The following DOP1B variants were observed in gnomAD, a reference collection of about 807,000 sequenced individuals.
The protein encoded by DOP1B is protein DOP1B.
In DOP1B, 174 loss-of-function variants were observed where a neutral mutation model predicts 233.5. The observed-to-expected ratio is 0.75, with a 90% CI of 0.66 to 0.85. DOP1B has a LOEUF of 0.85. DOP1B is among the 40% of genes least tolerant of loss of function. The probability of loss-of-function intolerance (pLI) is 0.00; values close to 1 mark genes in which losing one functional copy is unlikely to be tolerated. For synonymous variants in DOP1B, 1,190 were observed against 1,185.6 expected (o/e 1.00, Z -0.08); for missense variants, 2,652 against 2,846.6 (o/e 0.93, Z 1.56).
At chr21:36,262,009 C>A in intron 24 of DOP1B, 1 of 975,112 alleles carries the variant, frequency 1.0e-6, no homozygotes. Context: ...GTAAATAACT[C>A]CAACAACCAG....
In DOP1B at chr21:36,246,513, C is replaced by T. The variant is rs143393435; in HGVS notation, c.4533C>T (p.Tyr1511=). 616 of 1,614,168 alleles carry T rather than the reference C, an allele frequency of 3.8e-4. 1 individual carries two copies. Among genetic ancestry groups the T allele is most frequent in the Admixed American group, 5.0e-4 (30 of 60,016 alleles). ...TGGTGAGGGGTCTGCAGCCCGCCTACGGTTACGGCATGCATCCGGCCTGGG... is the reference window on the plus strand; with the variant it reads ...TGGTGAGGGGTCTGCAGCCCGCCTATGGTTACGGCATGCATCCGGCCTGGG... ...SAVVRGLQPA[Y]GYGMHPAWVS... Residue 1511 remains tyrosine (Y), a synonymous_variant, in exon 19 of 37, where the codon TAC becomes TAT. Coordinates refer to ENST00000691173, the MANE Select transcript of DOP1B (RefSeq NM_001320714.2). This position sits in a 1 kb window ranked among gnomAD's most constrained non-coding sequence, Gnocchi z 5.1.
intron 2 of DOP1B, among the ~76,000 whole-genome samples, chr21:36,189,024 T>C (rs1199778978): frequency 2.6e-5 from 4 of 152,138 alleles, no homozygotes; most frequent in Non-Finnish European, 5.9e-5. Context: ...TTTAAGCATA[T>C]TAACTTGTGT....
intron 22 of DOP1B, among the ~76,000 whole-genome samples, chr21:36,252,988 G>A (rs1412000007): frequency 6.6e-6 from 1 of 152,132 alleles, no homozygotes; most frequent in East Asian, 1.9e-4. Flanking sequence ...CAGCCTTTGT[G>A]GCAGACATGG....
chr21:36,223,637 C>T (rs74804699), intron 11 of DOP1B, among the ~76,000 whole-genome samples: 1,436 of 141,388 alleles, frequency 0.01, 24 homozygotes, highest in African/African-American at 0.033. Context: ...TTACATTCAT[C>T]AAATCAGCTT....
In DOP1B at chr21:36,200,257, C is replaced by T. The variant is rs113930713; in HGVS notation, c.321-74C>T. On this transcript the variant is annotated intron_variant, in intron 3 of 36. Transcript: ENST00000691173. ...GCTGTTTGCTTGTGAAAACTCCCCT[C>T]GGCTGGCTTGTCACCTGGGACTTCT... The T allele has an allele frequency of 5.2e-5, 78 of 1,494,480 alleles. 2 individuals are homozygous for T. The highest frequency in any genetic ancestry group is 4.9e-4 in the African/African-American group (35 of 71,334). 92.6% of individuals were successfully genotyped at this position (1,494,480 alleles called of 1,614,324 possible).
chr21:36,255,607 A>AT, intron 23 of DOP1B, among the ~76,000 whole-genome samples: 1 of 150,684 alleles, frequency 6.6e-6, no homozygotes, highest in East Asian at 2.0e-4. Context: ...TAATTTTTAT[A>AT]TTTTTTGTAG....
chr21:36,235,408 AGT>A (rs2066813764), intron 15 of DOP1B, among the ~76,000 whole-genome samples: 1 of 152,000 alleles, frequency 6.6e-6, no homozygotes, highest in African/African-American at 2.4e-5. Flanking sequence ...AGAACAGAGG[AGT>A]AGAGTAAGGT....
chr21:36,249,101 T>C (rs1468725228), intron 21 of DOP1B, among the ~76,000 whole-genome samples: 1 of 148,960 alleles, frequency 6.7e-6, no homozygotes, highest in Non-Finnish European at 1.5e-5. Context: ...CAAAACCCCA[T>C]CTCAAAAAAA....
chr21:36,186,935 C>T (rs1030182288), intron 2 of DOP1B, among the ~76,000 whole-genome samples: 14 of 152,114 alleles, frequency 9.2e-5, no homozygotes, highest in African/African-American at 3.4e-4. Flanking sequence ...GCCTCTGTCA[C>T]AGTTCCCCTC....
chr21:36,198,942 T>G, intron 2 of DOP1B, 128 bp from the exon 3 acceptor site: 1 of 977,516 alleles, frequency 1.0e-6, no homozygotes, highest in Non-Finnish European at 1.5e-6. Context: ...TGCCCCTTTG[T>G]TGTGTATGTC....
At position 36,230,829 on chromosome 21, in the gene DOP1B, G is replaced by C; in HGVS notation, c.2045G>C (p.Trp682Ser). 1 of 1,614,106 alleles carries C rather than the reference G, an allele frequency of 6.2e-7. No homozygotes were observed. Among genetic ancestry groups the C allele is most frequent in the Non-Finnish European group, 8.5e-7 (1 of 1,179,994 alleles). ...AATGATTCCAGCAGGAAGAACTCTTGGGAGCCCAAGCCCATCACTGTGCCT... is the reference window on the plus strand; with the variant it reads ...AATGATTCCAGCAGGAAGAACTCTTCGGAGCCCAAGCCCATCACTGTGCCT... The part of the protein sequence containing the change: ...AANDSSRKNS[W>S]EPKPITVPQF... The change falls in exon 14 of 37, where the codon TGG (tryptophan) becomes TCG (serine). Residue 682 changes from tryptophan (W) to serine (S), a missense_variant. Transcript: ENST00000691173.
intron 23 of DOP1B, among the ~76,000 whole-genome samples, chr21:36,259,103 C>G (rs1000023922): frequency 1.3e-5 from 2 of 151,000 alleles, no homozygotes; most frequent in African/African-American, 4.9e-5. Context: ...GTAGCTGGGA[C>G]TACAGTCGCC....
chr21:36,210,931 G>C (rs535530562), intron 5 of DOP1B, among the ~76,000 whole-genome samples: 32 of 152,314 alleles, frequency 2.1e-4, no homozygotes, highest in African/African-American at 7.0e-4. Context: ...TGCAGGCCCT[G>C]CGCTCCCACA....
In DOP1B at chr21:36,227,865, C is replaced by A; in HGVS notation, c.1653C>A (p.Thr551=). ...CTTCCTACCTCGACACGGAGTCCACCAGCGGAACCTCGGTGTGTACTCTGA... is the reference window on the plus strand; with the variant it reads ...CTTCCTACCTCGACACGGAGTCCACAAGCGGAACCTCGGTGTGTACTCTGA... ...MPPSYLDTES[T]SGTSSPVKGE... is the part of the protein sequence containing the mutation. The change falls in exon 13 of 37, where the codon ACC becomes ACA. Residue 551 remains threonine, a synonymous_variant. Transcript: ENST00000691173. The A allele has an allele frequency of 6.3e-7, 1 of 1,599,714 alleles. No individual in the cohort carries two copies. Among genetic ancestry groups the A allele is most frequent in the Non-Finnish European group, 8.5e-7 (1 of 1,170,170 alleles).
intron 10 of DOP1B, among the ~76,000 whole-genome samples, chr21:36,219,982 A>C (rs1311363398): frequency 1.3e-5 from 2 of 152,060 alleles, no homozygotes; most frequent in Non-Finnish European, 2.9e-5. Flanking sequence ...CGGAGAGCAC[A>C]GGCTCCATTC....
In DOP1B at chr21:36,261,238, G is replaced by A. The variant is rs147183208; in HGVS notation, c.5315+506G>A. 36 of 865,818 alleles carry A rather than the reference G, an allele frequency of 4.2e-5. No homozygotes were observed. In the African/African-American group the frequency reaches 4.4e-4, roughly 11 times the overall value. The allele number at this position is 865,818 out of a possible 1,614,324, so 53.6% of individuals were successfully genotyped here. The stretch of plus-strand genomic sequence containing the variant: ...AAATTAGTCCGGCATGGTGGCGTGC[G>A]CCTGTAATCCCAGCTACTCGGGAGG... On this transcript the variant is annotated intron_variant, in intron 24 of 36. Transcript: ENST00000691173.
intron 2 of DOP1B, among the ~76,000 whole-genome samples, chr21:36,182,043 A>G (rs885808): frequency 0.69 from 105,428 of 152,160 alleles, 37,349 homozygotes; most frequent in African/African-American, 0.85. Flanking sequence ...TCTGCCTTAT[A>G]TATTACTCTT....
At chr21:36,254,082 T>C (rs771832848) in intron 23 of DOP1B, among the ~76,000 whole-genome samples, 173 bp downstream of exon 23, 21 of 152,170 alleles carry the variant, frequency 1.4e-4, no homozygotes, top group Non-Finnish European at 2.9e-4. Context: ...GGGAGACCTA[T>C]GAAGATCTGG....
chr21:36,289,132 C>G lies in DOP1B; in HGVS notation c.6441C>G (p.Ile2147Met). The change falls in exon 35 of 37, where the codon ATC becomes ATG. Residue 2147 changes from isoleucine (I) to methionine (M), a missense_variant. By Grantham distance (10) the Ile-to-Met change is conservative. Transcript: ENST00000691173. Reference sequence around the variant, plus strand: ...GGGAGATACCCCAGAGTGAACTCATCTTGTATTTATCAGCTTGCAAATTCT... The same window carrying G: ...GGGAGATACCCCAGAGTGAACTCATGTTGTATTTATCAGCTTGCAAATTCT... ...SVGEIPQSEL[I>M]LYLSACKFLD... is the part of the protein sequence containing the mutation. 6.2e-7 allele frequency: 1 copy of G among 1,614,060 alleles called. No homozygotes were observed. The highest frequency in any genetic ancestry group is 8.5e-7 in the Non-Finnish European group (1 of 1,179,990).
Sources: allele counts gnomAD v4.1 joint callset (sites outside exome capture counted in the v4.1 genomes callset), GRCh38; gene constraint gnomAD v4.1.1; non-coding constraint Gnocchi (gnomAD v3.1); transcripts MANE v1.5; gene names NCBI Gene and HGNC (gene_info 2026-07-23, HGNC 2026-07-21).